Variants in MTFR1 observed in about 807,000 individuals in gnomAD.
MTFR1 encodes chondrocyte protein with a poly-proline region.
In MTFR1, 28 loss-of-function variants were observed where a neutral mutation model predicts 38.8. The observed-to-expected ratio is 0.72, with a 90% CI of 0.53 to 0.99. The LOEUF (loss-of-function observed/expected upper bound fraction) is 0.99. MTFR1 is among the 50% of genes least tolerant of loss of function. The pLI is 0.00. For missense variants in MTFR1, 358 were observed against 395.5 expected (o/e 0.91, Z 0.81); for synonymous variants, 145 against 137.0 (o/e 1.06, Z -0.41).
At chr8:65,677,649 G>A (rs1053235363) in intron 2 of MTFR1, among the ~76,000 whole-genome samples, 1 of 151,480 alleles carries the variant, frequency 6.6e-6, no homozygotes, top group Admixed American at 6.6e-5. Flanking sequence ...CAAAATGCTG[G>A]GATTACAGGC....
rs570734993 is a variant in MTFR1, at chr8:65,710,416, T to G, written c.*1372T>G. 1.3e-5 allele frequency: 2 copies of G among 152,752 alleles called. No individual in the cohort carries two copies. Among genetic ancestry groups the G allele is most frequent in the Admixed American group, 1.3e-4 (2 of 15,298 alleles). 9.5% of individuals were successfully genotyped at this position (152,752 alleles called of 1,614,324 possible). On this transcript the variant is annotated 3_prime_UTR_variant, in exon 8 of 8. Coordinates refer to ENST00000262146, the MANE Select transcript of MTFR1 (RefSeq NM_014637.4). Reference sequence around the variant, plus strand: ...TGTTTTATATGGTTTAAAATTCTCTTTAACAAAATTCAGAAAATTCACCTG... The same window carrying G: ...TGTTTTATATGGTTTAAAATTCTCTGTAACAAAATTCAGAAAATTCACCTG...
In MTFR1 at chr8:65,682,374, T is replaced by C. The variant is rs753937789; in HGVS notation, c.88T>C (p.Tyr30His). The C allele has an allele frequency of 6.4e-7, 1 of 1,569,756 alleles. No homozygotes were observed. The highest frequency in any genetic ancestry group is 8.6e-7 in the Non-Finnish European group (1 of 1,157,320). ...TCAGGTACTTTGGTCTAGGAAGCCA[T>C]ATGGTTCGTCTCGAAGTATCGTAAG... is the stretch of plus-strand genomic sequence containing the variant. ...MQSVLWSRKP[Y>H]GSSRSIVRKI... Residue 30 changes from tyrosine (Y) to histidine (H), a missense_variant, in exon 3 of 8, where the codon TAT (tyrosine) becomes CAT (histidine). Physicochemically the swap from Tyr to His is moderately conservative, Grantham distance 83 (BLOSUM62 2). Coordinates refer to ENST00000262146, the MANE Select transcript of MTFR1 (RefSeq NM_014637.4).
At chr8:65,690,637 T>C (rs1805248121) in intron 3 of MTFR1, among the ~76,000 whole-genome samples, 1 of 152,214 alleles carries the variant, frequency 6.6e-6, no homozygotes. Flanking sequence ...AGAAAACAGC[T>C]ATTTTTGTAA....
At chr8:65,737,675 C>T (rs991862556) in intron 3 of MTFR1, among the ~76,000 whole-genome samples, 2 of 152,006 alleles carry the variant, frequency 1.3e-5, no homozygotes, top group African/African-American at 4.8e-5. Flanking sequence ...CATGCCTCCA[C>T]ACCCGACTAA....
At chr8:65,725,178 T>C in intron 3 of MTFR1, 1 of 277,272 alleles carries the variant, frequency 3.6e-6, no homozygotes. Context: ...GCCTTTATTT[T>C]GCCAGCCAAG....
intron 1 of MTFR1, among the ~76,000 whole-genome samples, chr8:65,657,575 A>T (rs1809302534): frequency 6.6e-6 from 1 of 152,020 alleles, no homozygotes; most frequent in Admixed American, 6.6e-5. Flanking sequence ...ATGGTAGTGC[A>T]TGCCTGTAGT....
chr8:65,648,521 C>T (rs1416817257), intron 1 of MTFR1, among the ~76,000 whole-genome samples: 2 of 152,184 alleles, frequency 1.3e-5, no homozygotes, highest in Non-Finnish European at 2.9e-5. Flanking sequence ...ACAATTCCTT[C>T]ATTTATGATA....
intron 4 of MTFR1, among the ~76,000 whole-genome samples, chr8:65,700,625 T>C: frequency 6.6e-6 from 1 of 152,156 alleles, no homozygotes; most frequent in South Asian, 2.1e-4. Flanking sequence ...GAACGTATAG[T>C]CTGTGAAAGG....
chr8:65,770,107 C>T (rs558903777), intron 3 of MTFR1, among the ~76,000 whole-genome samples: 20 of 148,386 alleles, frequency 1.3e-4, no homozygotes, highest in Admixed American at 4.1e-4. Flanking sequence ...TGTCTTATTA[C>T]TTGCAGTATA....
chr8:65,656,506 T>TA (rs1360399336), intron 1 of MTFR1, among the ~76,000 whole-genome samples: 2 of 149,580 alleles, frequency 1.3e-5, no homozygotes, highest in Non-Finnish European at 3.0e-5. Flanking sequence ...GCTAATTTTT[T>TA]TTTTTTTTTT....
chr8:65,655,675 T>A (rs570725944), intron 1 of MTFR1, among the ~76,000 whole-genome samples: 43 of 151,562 alleles, frequency 2.8e-4, no homozygotes, highest in Non-Finnish European at 5.3e-4. Flanking sequence ...AGGGTCAAGG[T>A]GCAGTGGCTA....
At chr8:65,747,741 G>A (rs1375616524) in intron 3 of MTFR1, 10 of 1,606,312 alleles carry the variant, frequency 6.2e-6, no homozygotes, top group East Asian at 2.2e-5. Flanking sequence ...CTAAGATATC[G>A]CTGGAAACTT....
At chr8:65,743,240 T>C (rs1280956567) in intron 3 of MTFR1, among the ~76,000 whole-genome samples, 1 of 152,152 alleles carries the variant, frequency 6.6e-6, no homozygotes, top group Non-Finnish European at 1.5e-5. Context: ...GAAAGGGGAA[T>C]TTCCCTGAGC....
At chr8:65,700,349 T>TAAAAA (rs551471575) in intron 4 of MTFR1, among the ~76,000 whole-genome samples, 2 of 106,808 alleles carry the variant, frequency 1.9e-5, no homozygotes, top group Non-Finnish European at 3.9e-5. Flanking sequence ...AGACCTATCT[T>TAAAAA]AAAAAAAAAA....
downstream of MTFR1, among the ~76,000 whole-genome samples, chr8:65,715,482 A>G (rs1309142506): frequency 1.3e-5 from 2 of 151,564 alleles, no homozygotes; most frequent in South Asian, 2.1e-4. Flanking sequence ...GGTTCAAGCA[A>G]TTCTTCCGCC....
chr8:65,752,617 A>T (rs555159989), intron 3 of MTFR1, among the ~76,000 whole-genome samples: 8 of 152,298 alleles, frequency 5.3e-5, no homozygotes, highest in Non-Finnish European at 1.2e-4. Context: ...CTTTACTAAG[A>T]TATATCTCAT....
chr8:65,699,202 A>G (rs1204444210), intron 4 of MTFR1, among the ~76,000 whole-genome samples: 1 of 152,120 alleles, frequency 6.6e-6, no homozygotes, highest in African/African-American at 2.4e-5. Context: ...GTAGTATTCC[A>G]TGGTGTCTAT....
intron 1 of MTFR1, among the ~76,000 whole-genome samples, chr8:65,652,372 C>T (rs1033553005): frequency 6.6e-6 from 1 of 152,048 alleles, no homozygotes. Flanking sequence ...GCTGGGATTA[C>T]AGCTGTGAGC....
In MTFR1 at chr8:65,696,235, T is replaced by C. The variant is rs568155173; in HGVS notation, c.281+2476T>C. Among the ~76,000 whole-genome samples, 6 of 152,224 alleles carry C rather than the reference T, an allele frequency of 3.9e-5. 1 individual carries two copies. Among genetic ancestry groups the C allele is most frequent in the African/African-American group, 1.4e-4 (6 of 41,550 alleles). On this transcript the variant is annotated intron_variant, in intron 4 of 7. Transcript: ENST00000262146. Reference sequence around the variant, plus strand: ...CAAGGAATTTGATTTGAATGACAAATAGAAATAAGGACATAGCAGTAGATA... The same window carrying C: ...CAAGGAATTTGATTTGAATGACAAACAGAAATAAGGACATAGCAGTAGATA...
Sources: allele counts gnomAD v4.1 joint callset (sites outside exome capture counted in the v4.1 genomes callset), GRCh38; gene constraint gnomAD v4.1.1; transcripts MANE v1.5; gene names NCBI Gene and HGNC (gene_info 2026-07-23, HGNC 2026-07-21).